Variants in DPYSL2 observed in about 807,000 individuals in gnomAD.
DPYSL2 encodes the protein dihydropyrimidinase-related protein 2.
In DPYSL2, 13 loss-of-function variants were observed where a neutral mutation model predicts 69.9. The observed-to-expected ratio is 0.19, with a 90% CI of 0.12 to 0.30. DPYSL2 has a LOEUF of 0.30. Among genes scored for constraint, DPYSL2 ranks in the 10% least tolerant of loss-of-function variants. The pLI, the probability that DPYSL2 is intolerant of heterozygous loss-of-function variation, is 1.00. For missense variants in DPYSL2, 587 were observed against 918.9 expected, an observed-to-expected ratio of 0.64 and a Z score of 4.67; for synonymous variants, 326 against 359.1, an observed-to-expected ratio of 0.91 and a Z score of 1.04.
intron 1 of DPYSL2, 50 bp from the exon 2 acceptor site, chr8:26,581,919 T>C: frequency 7.3e-7 from 1 of 1,365,852 alleles, no homozygotes; most frequent in Non-Finnish European, 1.0e-6. Context: ...TTAGCACCTG[T>C]TTCTCATAGG....
intron 7 of DPYSL2, among the ~76,000 whole-genome samples, chr8:26,631,079 C>G (rs1394223598): frequency 6.6e-6 from 1 of 152,202 alleles, no homozygotes; most frequent in African/African-American, 2.4e-5. Flanking sequence ...TTCCTTCTTT[C>G]TCCTGCTTTC....
At chr8:26,518,711 T>C (rs769237523) in intron 1 of DPYSL2, among the ~76,000 whole-genome samples, 1 of 152,242 alleles carries the variant, frequency 6.6e-6, no homozygotes, top group Non-Finnish European at 1.5e-5. Context: ...TTATGTTCTT[T>C]GCGACTGGCT....
chr8:26,577,034 CCTA>C (rs1373898566), intron 1 of DPYSL2: 4 of 362,546 alleles, frequency 1.1e-5, no homozygotes, highest in East Asian at 1.4e-4. Context: ...ATTCCTCCGC[CCTA>C]CTAAGTTCCT....
At position 26,593,803 on chromosome 8, in the gene DPYSL2, T is replaced by A. The variant is rs1801797772; in HGVS notation, c.628+9820T>A. ...CCCAGCCTGTGGCCACCTGCTGTGC[T>A]GGTTTCCCTGAGAAAACCCTACTGT... On this transcript the variant is annotated intron_variant, in intron 3 of 13. Transcript: ENST00000521913. This position sits in a 1 kb window ranked among gnomAD's most constrained non-coding sequence, Gnocchi z 5.7. Among the ~76,000 whole-genome samples, 1 of 152,224 alleles carries A rather than the reference T, an allele frequency of 6.6e-6. No individual in the cohort carries two copies.
At chr8:26,550,213 G>A (rs912714391) in intron 1 of DPYSL2, among the ~76,000 whole-genome samples, 2 of 152,164 alleles carry the variant, frequency 1.3e-5, no homozygotes, top group Admixed American at 1.3e-4. Flanking sequence ...GTGGTATAGT[G>A]TAATTTGAAC....
intron 1 of DPYSL2, among the ~76,000 whole-genome samples, chr8:26,515,411 G>C (rs1175969205): frequency 3.3e-5 from 5 of 152,232 alleles, no homozygotes. Flanking sequence ...AGGCGCTTTA[G>C]GAAGCGGGGA....
At chr8:26,546,254 G>A (rs370646704) in intron 1 of DPYSL2, among the ~76,000 whole-genome samples, 19 of 152,196 alleles carry the variant, frequency 1.2e-4, no homozygotes, top group African/African-American at 4.1e-4. Flanking sequence ...GGGTGCTCAT[G>A]TAAATTGTAT....
At position 26,655,825 on chromosome 8, in the gene DPYSL2, T is replaced by A; in HGVS notation, c.*119T>A. The A allele has an allele frequency of 1.0e-6, 1 of 988,646 alleles. No homozygotes were observed. 61.2% of individuals were successfully genotyped at this position (988,646 alleles called of 1,614,324 possible). On this transcript the variant is annotated 3_prime_UTR_variant, in exon 14 of 14. Coordinates refer to ENST00000521913, the MANE Select transcript of DPYSL2 (RefSeq NM_001197293.3). ...TTTTTTTTTAAGAGCCTGTGATAGTTACTGTGGAGCAGCCAGTTCATGGGG... is the reference window on the plus strand; with the variant it reads ...TTTTTTTTTAAGAGCCTGTGATAGTAACTGTGGAGCAGCCAGTTCATGGGG...
intron 3 of DPYSL2, among the ~76,000 whole-genome samples, chr8:26,595,684 G>A (rs1801845521): frequency 6.6e-6 from 1 of 152,208 alleles, no homozygotes; most frequent in African/African-American, 2.4e-5. Flanking sequence ...CTTCCCCAGT[G>A]GGTGTTTCGG....
chr8:26,629,736 C>T (rs1274690758), intron 7 of DPYSL2, among the ~76,000 whole-genome samples: 1 of 152,160 alleles, frequency 6.6e-6, no homozygotes, highest in African/African-American at 2.4e-5. Context: ...ATGCCTGAGG[C>T]TGATTTTATT....
At chr8:26,541,145 A>G (rs145117722) in intron 1 of DPYSL2, among the ~76,000 whole-genome samples, 5 of 152,192 alleles carry the variant, frequency 3.3e-5, no homozygotes, top group Non-Finnish European at 5.9e-5. Context: ...GAATTTTCAA[A>G]GCAGCAAGAG....
intron 7 of DPYSL2, among the ~76,000 whole-genome samples, chr8:26,629,986 TAC>T (rs1232179073): frequency 1.8e-5 from 2 of 111,204 alleles, no homozygotes; most frequent in African/African-American, 2.7e-5. Context: ...CACATATACA[TAC>T]ACACACGTCC....
intron 2 of DPYSL2, among the ~76,000 whole-genome samples, chr8:26,583,282 T>C (rs984214040): frequency 3.1e-4 from 47 of 152,106 alleles, no homozygotes; most frequent in African/African-American, 1.1e-3. Context: ...TCTGAATAAC[T>C]AAACACACGC....
rs67626321 is a variant in DPYSL2, at chr8:26,579,924, CTTTTTTT to C, written c.355-2029_355-2023del. ...AATTAAAAGCAAACGATCAACAAGA[CTTTTTTT>C]TTTTTTTTTTTTTTTAAAGAGCGCC... is the stretch of plus-strand genomic sequence containing the variant. On this transcript the variant is annotated intron_variant, in intron 1 of 13. Coordinates refer to ENST00000521913, the MANE Select transcript of DPYSL2 (RefSeq NM_001197293.3). Among the ~76,000 whole-genome samples, 145 of 115,592 alleles carry C rather than the reference CTTTTTTT, an allele frequency of 1.3e-3. 2 individuals are homozygous for C. Among genetic ancestry groups the C allele is most frequent in the South Asian group, 5.2e-3 (18 of 3,452 alleles). 75.8% of individuals were successfully genotyped at this position (115,592 alleles called of 152,430 possible). A position where few individuals can be genotyped will look rare whatever the true frequency, so the allele number is the denominator to read the frequency against.
chr8:26,612,362 G>A (rs35717375), intron 3 of DPYSL2, among the ~76,000 whole-genome samples: 26,278 of 152,104 alleles, frequency 0.17, 2,371 homozygotes, highest in Middle Eastern at 0.24. Flanking sequence ...TTAAAATAGG[G>A]GGAAAGTTAT....
In DPYSL2 at chr8:26,642,773, C is replaced by T. The variant is rs911363904; in HGVS notation, c.1127-666C>T. The T allele has an allele frequency of 6.6e-6, 1 of 152,246 alleles. No individual in the cohort carries two copies. Among genetic ancestry groups the T allele is most frequent in the South Asian group, 2.1e-4 (1 of 4,828 alleles). 9.4% of individuals were successfully genotyped at this position (152,246 alleles called of 1,614,324 possible). A position where few individuals can be genotyped will look rare whatever the true frequency, so the allele number is the denominator to read the frequency against. ...CATTAATATAGTTAGGCTAGGCTTCCAGAAACTCTGAAATCCCAGTGGCAT... is the reference window on the plus strand; with the variant it reads ...CATTAATATAGTTAGGCTAGGCTTCTAGAAACTCTGAAATCCCAGTGGCAT... On this transcript the variant is annotated intron_variant, in intron 8 of 13. Coordinates refer to ENST00000521913, the MANE Select transcript of DPYSL2 (RefSeq NM_001197293.3). The surrounding 1 kb of genome is among the most constrained non-coding windows in gnomAD (Gnocchi z 5.3).
At position 26,571,743 on chromosome 8, in the gene DPYSL2, C is replaced by T. The variant is rs1290838586; in HGVS notation, c.355-10226C>T. Reference sequence around the variant, plus strand: ...GCAGTCTGTACAGTTCTAGCCAAAGCAGCGTCTGTTTCGGAGGGCCAGTCA... The same window carrying T: ...GCAGTCTGTACAGTTCTAGCCAAAGTAGCGTCTGTTTCGGAGGGCCAGTCA... On this transcript the variant is annotated intron_variant, in intron 1 of 13. Coordinates refer to ENST00000521913, the MANE Select transcript of DPYSL2 (RefSeq NM_001197293.3). This position sits in a 1 kb window ranked among gnomAD's most constrained non-coding sequence, Gnocchi z 6.1. 6.6e-6 allele frequency among the ~76,000 whole-genome samples: 1 copy of T among 152,194 alleles called. No individual in the cohort carries two copies. Among genetic ancestry groups the T allele is most frequent in the Non-Finnish European group, 1.5e-5 (1 of 68,036 alleles).
rs548268759 is a variant in DPYSL2, at chr8:26,517,051, C to T, written c.354+2372C>T. Among the ~76,000 whole-genome samples the T allele has an allele frequency of 2.6e-5, 4 of 152,180 alleles. No homozygotes were observed. The highest frequency in any genetic ancestry group is 5.9e-5 in the Non-Finnish European group (4 of 68,028). On this transcript the variant is annotated intron_variant, in intron 1 of 13. Coordinates refer to ENST00000521913, the MANE Select transcript of DPYSL2 (RefSeq NM_001197293.3). The surrounding 1 kb of genome is among the most constrained non-coding windows in gnomAD (Gnocchi z 4.2). ...CATCTCTGTGCATTCTAATTGGAAG[C>T]CCTGACGCAGAGAAAGGTGGGGGAG...
chr8:26,555,007 GA>G, intron 1 of DPYSL2, among the ~76,000 whole-genome samples: 1 of 151,686 alleles, frequency 6.6e-6, no homozygotes, highest in East Asian at 1.9e-4. Context: ...CGCTAAAGAA[GA>G]AAAAAAGATC....
Sources: gnomAD v4.1 joint callset for allele counts (sites outside exome capture counted in the v4.1 genomes callset) on GRCh38, gnomAD v4.1.1 for gene constraint, Gnocchi (gnomAD v3.1) non-coding constraint, MANE v1.5 for transcripts, NCBI Gene and HGNC (gene_info 2026-07-23, HGNC 2026-07-21) for gene names.